The following VWA3B variants were observed in gnomAD, a reference collection of about 807,000 sequenced individuals.
VWA3B encodes the protein von Willebrand factor A domain containing 3B.
In VWA3B, 138 loss-of-function variants were observed where a neutral mutation model predicts 158.3. The observed-to-expected ratio is 0.87, with a 90% CI of 0.76 to 1.00. VWA3B has a LOEUF of 1.00. VWA3B is among the 50% of genes least tolerant of loss of function. The pLI is 0.00. For synonymous variants in VWA3B, 596 were observed against 587.3 expected, an observed-to-expected ratio of 1.01 and a Z score of -0.21; for missense variants, 1,555 against 1,565.1, an observed-to-expected ratio of 0.99 and a Z score of 0.11.
chr2:98,216,962 T>C (rs969768624), intron 13 of VWA3B: 2 of 1,282,966 alleles, frequency 1.6e-6, no homozygotes, highest in African/African-American at 3.3e-5. Context: ...GGAGAGACTG[T>C]CATGTGTATC....
chr2:98,321,265 C>T, the VWA3B span, among the ~76,000 whole-genome samples: 1 of 152,222 alleles, frequency 6.6e-6, no homozygotes, highest in Admixed American at 6.5e-5. Context: ...ATGGGGCCCT[C>T]ATGGAGAACC....
chr2:98,315,752 T>C (rs1691072955), downstream of VWA3B, among the ~76,000 whole-genome samples: 1 of 152,120 alleles, frequency 6.6e-6, no homozygotes, highest in Admixed American at 6.5e-5. Flanking sequence ...AGAGGAATAA[T>C]AATTGGAAAA....
intron 7 of VWA3B, among the ~76,000 whole-genome samples, chr2:98,140,620 G>C (rs1335804927): frequency 6.6e-6 from 1 of 152,152 alleles, no homozygotes; most frequent in Non-Finnish European, 1.5e-5. Context: ...GGGCTTGGCT[G>C]TCTGCTGGAG....
Position 98,128,036 on chromosome 2 carries a change from G to A in VWA3B, c.703-203G>A, listed in dbSNP as rs1001933663. The A allele has an allele frequency of 7.1e-6, 4 of 561,282 alleles. No individual in the cohort carries two copies. The African/African-American group carries it at 7.4e-5, about 10-fold the overall frequency. 34.8% of individuals were successfully genotyped at this position (561,282 alleles called of 1,614,324 possible). A position where few individuals can be genotyped will look rare whatever the true frequency, so the allele number is the denominator to read the frequency against. On this transcript the variant is annotated intron_variant, in intron 5 of 27. Coordinates refer to ENST00000477737, the MANE Select transcript of VWA3B (RefSeq NM_144992.5). ...TGCCTTACCCAAGACAATAGCCACT[G>A]TTGACAGACCTTCCTGGTACCAAGC...
At chr2:98,191,857 A>C (rs992150276) in intron 10 of VWA3B, among the ~76,000 whole-genome samples, 1 of 152,118 alleles carries the variant, frequency 6.6e-6, no homozygotes, top group Non-Finnish European at 1.5e-5. Flanking sequence ...TTTGCCATTC[A>C]AATTTTAGTT....
chr2:98,095,656 T>C (rs1380772023), intron 2 of VWA3B, among the ~76,000 whole-genome samples: 2 of 152,200 alleles, frequency 1.3e-5, no homozygotes, highest in East Asian at 1.9e-4. Context: ...TCTAGTACTG[T>C]TGTGAATAAA....
chr2:98,203,515 T>C (rs1486060359), intron 12 of VWA3B, among the ~76,000 whole-genome samples: 1 of 152,264 alleles, frequency 6.6e-6, no homozygotes, highest in East Asian at 1.9e-4. Context: ...ATAGATCTAA[T>C]TAGGAAGAAT....
chr2:98,164,790 C>A (rs989697699), intron 8 of VWA3B, among the ~76,000 whole-genome samples: 2 of 152,198 alleles, frequency 1.3e-5, no homozygotes, highest in Admixed American at 6.5e-5. Flanking sequence ...AACAACCTCA[C>A]TGCATTTTTA....
chr2:98,094,578 C>T (rs1489977833), intron 2 of VWA3B, among the ~76,000 whole-genome samples: 1 of 151,992 alleles, frequency 6.6e-6, no homozygotes, highest in African/African-American at 2.4e-5. Flanking sequence ...TAGGTTGTCT[C>T]TTTACTCTGT....
chr2:98,168,977 A>C (rs887972067), intron 8 of VWA3B, among the ~76,000 whole-genome samples: 1 of 152,246 alleles, frequency 6.6e-6, no homozygotes, highest in African/African-American at 2.4e-5. Flanking sequence ...ATAGACCCAG[A>C]GATCCAAGAA....
intron 7 of VWA3B, among the ~76,000 whole-genome samples, chr2:98,142,459 C>T (rs1358134605): frequency 1.3e-5 from 2 of 152,160 alleles, no homozygotes; most frequent in Admixed American, 6.5e-5. Flanking sequence ...ACCGTAATAC[C>T]TCTCCTAGGG....
chr2:98,265,448 G>A (rs988138745), intron 21 of VWA3B, among the ~76,000 whole-genome samples: 1 of 152,114 alleles, frequency 6.6e-6, no homozygotes, highest in African/African-American at 2.4e-5. Flanking sequence ...TATCATTGAT[G>A]GACATTTGGG....
intron 22 of VWA3B, among the ~76,000 whole-genome samples, chr2:98,282,772 C>A (rs1688957602): frequency 6.6e-6 from 1 of 152,208 alleles, no homozygotes; most frequent in Non-Finnish European, 1.5e-5. Flanking sequence ...TCTTTAGTAT[C>A]TGTCCTTGTC....
At chr2:98,268,708 T>G (rs552153226) in intron 21 of VWA3B, among the ~76,000 whole-genome samples, 84 of 151,836 alleles carry the variant, frequency 5.5e-4, no homozygotes, top group African/African-American at 2.0e-3. Flanking sequence ...GTAATTAGTA[T>G]ATTAAGGAGA....
intron 1 of VWA3B, among the ~76,000 whole-genome samples, chr2:98,089,913 T>C (rs759146774): frequency 5.9e-5 from 9 of 152,174 alleles, no homozygotes; most frequent in Admixed American, 1.3e-4. Context: ...ATTGCCTTTT[T>C]TGGGGATCAA....
At chr2:98,167,058 G>C (rs533633146) in intron 8 of VWA3B, among the ~76,000 whole-genome samples, 10 of 152,048 alleles carry the variant, frequency 6.6e-5, no homozygotes, top group Admixed American at 5.2e-4. Flanking sequence ...GGCTTGGAAG[G>C]CCTCCTAGGA....
At chr2:98,303,423 T>G (rs901790936) in intron 25 of VWA3B, among the ~76,000 whole-genome samples, 42 of 64,198 alleles carry the variant, frequency 6.5e-4, no homozygotes, top group African/African-American at 1.1e-3. Flanking sequence ...TATGTGAAGG[T>G]GTGTGTGTGT....
rs559545324 is a variant in VWA3B at position 98,127,796 on chromosome 2, C to T, written c.703-443C>T. Among the ~76,000 whole-genome samples, 6 of 152,256 alleles carry T rather than the reference C, an allele frequency of 3.9e-5. No individual in the cohort carries two copies. The East Asian group carries it at 1.2e-3, about 29-fold the overall frequency. On this transcript the variant is annotated intron_variant, in intron 5 of 27. Coordinates refer to ENST00000477737, the MANE Select transcript of VWA3B (RefSeq NM_144992.5). Reference sequence around the variant, plus strand: ...AGAGGTGGAGCCAGCTGAGGATGTGCCCTCCTTTCCACATTCTGCCTTAGA... The same window carrying T: ...AGAGGTGGAGCCAGCTGAGGATGTGTCCTCCTTTCCACATTCTGCCTTAGA...
chr2:98,276,257 G>A (rs755572182), intron 22 of VWA3B, among the ~76,000 whole-genome samples: 22 of 152,122 alleles, frequency 1.4e-4, no homozygotes, highest in Non-Finnish European at 2.6e-4. Flanking sequence ...TAGATTCTGA[G>A]ACTTCAAAAT....
Sources: allele counts gnomAD v4.1 joint callset (sites outside exome capture counted in the v4.1 genomes callset), GRCh38; gene constraint gnomAD v4.1.1; transcripts MANE v1.5; gene names NCBI Gene and HGNC (gene_info 2026-07-23, HGNC 2026-07-21).